Variants in SUCLG2 observed in about 807,000 individuals in gnomAD.
SUCLG2 encodes succinate-CoA ligase GDP-forming subunit beta, also known as succinate--CoA ligase [GDP-forming] subunit beta, mitochondrial.
A neutral mutation model predicts 47.9 loss-of-function variants in SUCLG2; 42 were observed. The observed-to-expected ratio is 0.88, with a 90% confidence interval of 0.69 to 1.14. The LOEUF is 1.14. Ranked by LOEUF, SUCLG2 falls within the 50% of genes most tolerant of loss-of-function variation. SUCLG2 has a pLI of 0.00. For synonymous variants in SUCLG2, 195 were observed against 197.3 expected, an observed-to-expected ratio of 0.99 and a Z score of 0.10; for missense variants, 571 against 525.9, an observed-to-expected ratio of 1.09 and a Z score of -0.84.
intron 9 of SUCLG2, among the ~76,000 whole-genome samples, chr3:67,475,987 C>CT (rs1491587861): frequency 1.3e-4 from 20 of 149,042 alleles, no homozygotes; most frequent in African/African-American, 4.4e-4. Flanking sequence ...CTTTCCTTCT[C>CT]CCTCTCTCTC....
chr3:67,571,040 T>C (rs1458793041), intron 2 of SUCLG2, among the ~76,000 whole-genome samples: 1 of 152,200 alleles, frequency 6.6e-6, no homozygotes, highest in Non-Finnish European at 1.5e-5. Context: ...CAGATGTCAC[T>C]ATCTCAGCAA....
chr3:67,450,472 A>T (rs189762011), intron 9 of SUCLG2, among the ~76,000 whole-genome samples: 1 of 152,326 alleles, frequency 6.6e-6, no homozygotes, highest in Admixed American at 6.5e-5. Flanking sequence ...AAAAGAACTA[A>T]AGAGGGAATA....
intron 1 of SUCLG2, among the ~76,000 whole-genome samples, chr3:67,620,584 C>CAGAAAAA (rs1700717854): frequency 1.6e-5 from 1 of 63,518 alleles, no homozygotes; most frequent in African/African-American, 6.1e-5. Flanking sequence ...GACTCCATCT[C>CAGAAAAA]AAAAAAAAAA....
intron 9 of SUCLG2, among the ~76,000 whole-genome samples, chr3:67,479,291 A>G (rs978483748): frequency 1.6e-5 from 2 of 123,252 alleles, no homozygotes; most frequent in Non-Finnish European, 3.3e-5. Context: ...CCATCAAAGT[A>G]AAAAAAAAAA....
intron 2 of SUCLG2, among the ~76,000 whole-genome samples, chr3:67,591,786 C>G (rs2107278805): frequency 6.6e-6 from 1 of 152,286 alleles, no homozygotes; most frequent in Non-Finnish European, 1.5e-5. Context: ...ACACTAGTCA[C>G]TGTGGAAAAA....
At chr3:67,617,414 A>C (rs1237810376) in intron 1 of SUCLG2, among the ~76,000 whole-genome samples, 2 of 152,216 alleles carry the variant, frequency 1.3e-5, no homozygotes, top group Non-Finnish European at 2.9e-5. Context: ...GAAAGGAAAA[A>C]AATAATAATG....
intron 2 of SUCLG2, among the ~76,000 whole-genome samples, chr3:67,551,974 C>T (rs1323359489): frequency 6.6e-6 from 1 of 152,074 alleles, no homozygotes; most frequent in Non-Finnish European, 1.5e-5. Flanking sequence ...AGGCCACCCA[C>T]AACTCTCACC....
chr3:67,437,644 A>C (rs555704972), intron 9 of SUCLG2, among the ~76,000 whole-genome samples: 1 of 151,152 alleles, frequency 6.6e-6, no homozygotes, highest in Admixed American at 6.6e-5. Context: ...AATTTCTTCT[A>C]TTTTTTTTTA....
intron 9 of SUCLG2, among the ~76,000 whole-genome samples, chr3:67,425,626 A>G (rs1380643266): frequency 6.6e-6 from 1 of 152,168 alleles, no homozygotes; most frequent in African/African-American, 2.4e-5. Context: ...CTTTAGACTT[A>G]GACTGGATGC....
At chr3:67,391,850 C>T (rs779563256) in intron 10 of SUCLG2, among the ~76,000 whole-genome samples, 2 of 152,136 alleles carry the variant, frequency 1.3e-5, no homozygotes, top group East Asian at 1.9e-4. Flanking sequence ...TCGTTTCCAA[C>T]GTGTGTTCTG....
intron 9 of SUCLG2, among the ~76,000 whole-genome samples, chr3:67,460,486 G>A (rs1052629651): frequency 6.6e-6 from 1 of 151,988 alleles, no homozygotes; most frequent in African/African-American, 2.4e-5. Flanking sequence ...CTTCAGAGAT[G>A]GGAAGTGACT....
At chr3:67,595,684 A>G (rs1328951616) in intron 2 of SUCLG2, among the ~76,000 whole-genome samples, 3 of 152,166 alleles carry the variant, frequency 2.0e-5, no homozygotes, top group Non-Finnish European at 2.9e-5. Context: ...TGATTATTTT[A>G]TAAACTATGG....
Position 67,374,719 on chromosome 3 carries a change from T to G in SUCLG2, c.*1025A>C, listed in dbSNP as rs1221044453. The G allele has an allele frequency of 1.2e-5, 11 of 881,756 alleles. 1 individual carries two copies. Among genetic ancestry groups the G allele is most frequent in the Non-Finnish European group, 1.4e-6 (1 of 735,816 alleles). 54.6% of individuals were successfully genotyped at this position (881,756 alleles called of 1,614,324 possible). ...GTAAAATGAGAGATACACACAGATC[T>G]TACAGCTTACAAAACATAATTTTAT... is the stretch of plus-strand genomic sequence containing the variant. On this transcript the variant is annotated 3_prime_UTR_variant, in exon 11 of 11. Coordinates refer to ENST00000307227, the MANE Select transcript of SUCLG2 (RefSeq NM_003848.4).
At chr3:67,519,233 T>C (rs1308916019) in intron 5 of SUCLG2, among the ~76,000 whole-genome samples, 3 of 152,094 alleles carry the variant, frequency 2.0e-5, no homozygotes, top group Non-Finnish European at 4.4e-5. Flanking sequence ...GTGGGTGTGG[T>C]GTGTAAGTGT....
intron 2 of SUCLG2, among the ~76,000 whole-genome samples, chr3:67,591,407 C>G (rs1200526319): frequency 6.6e-6 from 1 of 152,198 alleles, no homozygotes; most frequent in Non-Finnish European, 1.5e-5. Context: ...TATGGTTTTG[C>G]TGTGCCCCCA....
chr3:67,422,502 A>AAAAAAAAAAAAAAAAAAAAT (rs1703190289), intron 9 of SUCLG2, among the ~76,000 whole-genome samples: 1 of 143,254 alleles, frequency 7.0e-6, no homozygotes, highest in African/African-American at 2.5e-5. Context: ...AAAAAAAAAA[A>AAAAAAAAAAAAAAAAAAAAT]AGAACATTCA....
intron 10 of SUCLG2, among the ~76,000 whole-genome samples, chr3:67,390,397 T>C (rs1476351001): frequency 1.3e-5 from 2 of 152,228 alleles, no homozygotes; most frequent in African/African-American, 4.8e-5. Flanking sequence ...CAAATCTTTG[T>C]TCTCAGCTGT....
chr3:67,408,551 G>C (rs1048025897), intron 9 of SUCLG2: 2 of 866,956 alleles, frequency 2.3e-6, no homozygotes, highest in South Asian at 5.2e-5. Context: ...TAACTTGATG[G>C]AGAGTCAAGT....
intron 10 of SUCLG2, among the ~76,000 whole-genome samples, chr3:67,397,347 A>G (rs371817156): frequency 0.072 from 10,802 of 150,790 alleles, 377 homozygotes; most frequent in Middle Eastern, 0.14. Context: ...AAATCAATGT[A>G]CAAAAATCAC....
Sources: gnomAD v4.1 joint callset for allele counts (sites outside exome capture counted in the v4.1 genomes callset) on GRCh38, gnomAD v4.1.1 for gene constraint, MANE v1.5 for transcripts, NCBI Gene and HGNC (gene_info 2026-07-23, HGNC 2026-07-21) for gene names.